Variants in IGSF21 observed in about 807,000 individuals in gnomAD.
IGSF21 encodes immunoglobin superfamily member 21.
Under a neutral mutation model 46.8 loss-of-function variants are expected in IGSF21, and 28 were observed. The ratio of observed to expected loss-of-function variants is 0.60; its 90% CI spans 0.44 to 0.82. The LOEUF is 0.82. Among genes scored for constraint, IGSF21 ranks in the 40% least tolerant of loss-of-function variants. The pLI is 0.00. For missense variants in IGSF21, 624 were observed against 665.5 expected (o/e 0.94, Z 0.69); for synonymous variants, 284 against 273.6 (o/e 1.04, Z -0.38).
At chr1:18,176,357 C>G (rs1308749226) in intron 1 of IGSF21, among the ~76,000 whole-genome samples, 1 of 152,210 alleles carries the variant, frequency 6.6e-6, no homozygotes, top group Non-Finnish European at 1.5e-5. Context: ...AGTTAAGGAA[C>G]GATCACAGGC....
At chr1:18,308,407 G>C (rs937455139) in intron 3 of IGSF21, among the ~76,000 whole-genome samples, 5 of 152,142 alleles carry the variant, frequency 3.3e-5, no homozygotes, top group African/African-American at 9.7e-5. Context: ...GGCCAAGTGC[G>C]GCGGGATGAT....
At chr1:18,349,932 C>CT (rs1052026504) in intron 4 of IGSF21, among the ~76,000 whole-genome samples, 2 of 151,954 alleles carry the variant, frequency 1.3e-5, no homozygotes, top group African/African-American at 4.8e-5. Flanking sequence ...TAACAAATCA[C>CT]ACGACGAAAA....
intron 1 of IGSF21, among the ~76,000 whole-genome samples, chr1:18,206,501 A>G (rs182216182): frequency 2.1e-4 from 32 of 151,556 alleles, no homozygotes; most frequent in Admixed American, 1.8e-3. Context: ...GCGAGCCATG[A>G]TCGCACCACT....
At chr1:18,305,017 G>A (rs1305059407) in intron 3 of IGSF21, among the ~76,000 whole-genome samples, 1 of 152,224 alleles carries the variant, frequency 6.6e-6, no homozygotes, top group African/African-American at 2.4e-5. Flanking sequence ...TGCCTTGGAA[G>A]ATAACTGTGT....
intron 2 of IGSF21, among the ~76,000 whole-genome samples, chr1:18,235,366 G>T (rs937775820): frequency 1.3e-5 from 2 of 152,172 alleles, no homozygotes; most frequent in African/African-American, 4.8e-5. Context: ...GTTTACCATG[G>T]GGGAGGAGTT....
intron 3 of IGSF21, among the ~76,000 whole-genome samples, chr1:18,293,705 T>TA (rs1351253661): frequency 1.3e-5 from 2 of 152,210 alleles, no homozygotes; most frequent in Non-Finnish European, 2.9e-5. Context: ...GATGGTTTTG[T>TA]AGTAAGTGAA....
intron 2 of IGSF21, among the ~76,000 whole-genome samples, chr1:18,281,279 G>A (rs1171622811): frequency 3.1e-5 from 4 of 129,572 alleles, no homozygotes; most frequent in Non-Finnish European, 5.1e-5. Flanking sequence ...GTGGCTTTCT[G>A]CCGGGCATGG....
intron 6 of IGSF21, among the ~76,000 whole-genome samples, chr1:18,371,343 A>T (rs1290015372): frequency 4.6e-5 from 7 of 152,188 alleles, no homozygotes; most frequent in African/African-American, 1.7e-4. Context: ...AGGCCGAGGC[A>T]GGTGGATCAC....
intron 1 of IGSF21, among the ~76,000 whole-genome samples, chr1:18,159,319 G>A (rs2086595590): frequency 6.6e-6 from 1 of 152,154 alleles, no homozygotes. Context: ...CCGAACAGGG[G>A]GCCGAAGAAA....
chr1:18,160,019 T>G (rs945655857), intron 1 of IGSF21, among the ~76,000 whole-genome samples: 3 of 152,216 alleles, frequency 2.0e-5, no homozygotes, highest in Non-Finnish European at 4.4e-5. Context: ...AACAGACTAG[T>G]ACAGCTTCCC....
intron 1 of IGSF21, among the ~76,000 whole-genome samples, chr1:18,127,990 C>G (rs775734246): frequency 3.3e-5 from 5 of 152,102 alleles, no homozygotes; most frequent in Non-Finnish European, 7.4e-5. Context: ...GGTGGGCTCC[C>G]TCACTAAAGG....
chr1:18,303,560 A>C (rs61169423), intron 3 of IGSF21, among the ~76,000 whole-genome samples: 6,102 of 152,270 alleles, frequency 0.04, 440 homozygotes, highest in African/African-American at 0.14. Flanking sequence ...AGTGCCAGGA[A>C]GCACCCTGGG....
intron 3 of IGSF21, among the ~76,000 whole-genome samples, chr1:18,324,623 A>G (rs1435713680): frequency 6.6e-6 from 1 of 152,222 alleles, no homozygotes; most frequent in Non-Finnish European, 1.5e-5. Context: ...CACCCTGGTT[A>G]AGACCAGACT....
chr1:18,187,733 C>T (rs181190208), intron 1 of IGSF21, among the ~76,000 whole-genome samples: 1 of 152,180 alleles, frequency 6.6e-6, no homozygotes, highest in Admixed American at 6.5e-5. Flanking sequence ...AATCCTACCT[C>T]CAAATACTGT....
At position 18,256,662 on chromosome 1, in the gene IGSF21, G is replaced by A. The variant is rs904483815; in HGVS notation, c.183+28652G>A. ...GATCTGCCCTTCCCAGTGGATCGGG[G>A]CCTGCTGGTTTGCGGAGGTTCACTG... is the stretch of plus-strand genomic sequence containing the variant. On this transcript the variant is annotated intron_variant, in intron 2 of 9. Coordinates refer to ENST00000251296, the MANE Select transcript of IGSF21 (RefSeq NM_032880.5). Among the ~76,000 whole-genome samples, 13 of 152,290 alleles carry A rather than the reference G, an allele frequency of 8.5e-5. No homozygotes were observed. The East Asian group carries it at 2.5e-3, about 29-fold the overall frequency.
chr1:18,354,089 G>A (rs551225221), intron 4 of IGSF21, among the ~76,000 whole-genome samples: 2 of 152,348 alleles, frequency 1.3e-5, no homozygotes, highest in East Asian at 1.9e-4. Flanking sequence ...AAGTAGCAAT[G>A]AGTATGAAAA....
chr1:18,306,863 G>A (rs12127986), intron 3 of IGSF21, among the ~76,000 whole-genome samples: 1 of 152,066 alleles, frequency 6.6e-6, no homozygotes, highest in Non-Finnish European at 1.5e-5. Flanking sequence ...CTTCCTCGGT[G>A]CACGATTGAG....
intron 2 of IGSF21, among the ~76,000 whole-genome samples, chr1:18,241,559 T>C (rs2084728221): frequency 6.6e-6 from 1 of 152,176 alleles, no homozygotes; most frequent in Admixed American, 6.5e-5. Context: ...TTGAAGGCCA[T>C]AAATACCCTG....
intron 1 of IGSF21, among the ~76,000 whole-genome samples, chr1:18,120,127 A>C (rs1282999908): frequency 6.6e-6 from 1 of 152,232 alleles, no homozygotes; most frequent in Non-Finnish European, 1.5e-5. Flanking sequence ...GCGTCTGAGG[A>C]GGACTTGTTC....
Sources: allele counts gnomAD v4.1 joint callset (sites outside exome capture counted in the v4.1 genomes callset), GRCh38; gene constraint gnomAD v4.1.1; transcripts MANE v1.5; gene names NCBI Gene and HGNC (gene_info 2026-07-23, HGNC 2026-07-21).